Variants in TBC1D23 observed in about 807,000 individuals in gnomAD.
TBC1D23 encodes the protein TBC1 domain family member 23.
In TBC1D23, 55 loss-of-function variants were observed where a neutral mutation model predicts 91.4. That is an observed-to-expected ratio of 0.60 (90% CI 0.48 to 0.75). TBC1D23 has a LOEUF of 0.75. TBC1D23 is among the 30% of genes least tolerant of loss of function. The probability of loss-of-function intolerance (pLI) is 0.00; values close to 1 mark genes in which losing one functional copy is unlikely to be tolerated. For synonymous variants in TBC1D23, 289 were observed against 281.0 expected (o/e 1.03, Z -0.28); for missense variants, 725 against 836.1 (o/e 0.87, Z 1.64).
At chr3:100,296,367 A>T in intron 8 of TBC1D23, 92 bp downstream of exon 8, 1 of 742,538 alleles carries the variant, frequency 1.3e-6, no homozygotes, top group Non-Finnish European at 2.2e-6. Context: ...ATAGGTTGTC[A>T]ATTTTTTCTG....
intron 18 of TBC1D23, 42 bp from the exon 19 acceptor site, chr3:100,323,545 G>GTATA: frequency 2.2e-6 from 2 of 902,486 alleles, no homozygotes; most frequent in African/African-American, 1.8e-5. Flanking sequence ...ATATACATAT[G>GTATA]TATATATATA....
At chr3:100,305,430 AAATAAGATTTTAAAAGAGT>A (rs550291193) in intron 12 of TBC1D23, among the ~76,000 whole-genome samples, 54 of 152,286 alleles carry the variant, frequency 3.5e-4, no homozygotes, top group African/African-American at 1.2e-3. Flanking sequence ...ACTTTGCAGT[AAATAAGATTTTAAAAGAGT>A]AATAAGATTT....
intron 8 of TBC1D23, 94 bp from the exon 9 acceptor site, chr3:100,297,829 T>C: frequency 1.8e-6 from 2 of 1,087,266 alleles, no homozygotes; most frequent in Non-Finnish European, 2.6e-6. Context: ...AAGAGTATTA[T>C]AATTTTACCT....
intron 8 of TBC1D23, among the ~76,000 whole-genome samples, chr3:100,296,582 G>A (rs1190581820): frequency 2.6e-5 from 4 of 152,004 alleles, no homozygotes; most frequent in Non-Finnish European, 4.4e-5. Flanking sequence ...TTACAGGGCC[G>A]GGCGTGGTGG....
intron 18 of TBC1D23, 112 bp from the exon 19 acceptor site, chr3:100,323,475 T>A (rs1458793492): frequency 2.5e-6 from 1 of 398,312 alleles, no homozygotes; most frequent in Admixed American, 5.1e-5. Flanking sequence ...AGGGAAAGCT[T>A]CCCATTGGAG....
At chr3:100,270,362 G>A (rs1384630329) in intron 1 of TBC1D23, among the ~76,000 whole-genome samples, 1 of 152,186 alleles carries the variant, frequency 6.6e-6, no homozygotes, top group African/African-American at 2.4e-5. Context: ...ATGTAAAGGG[G>A]ACGAGAGCTG....
At chr3:100,306,000 T>C (rs1171252456) in intron 12 of TBC1D23, among the ~76,000 whole-genome samples, 1 of 152,224 alleles carries the variant, frequency 6.6e-6, no homozygotes, top group African/African-American at 2.4e-5. Context: ...ATAATCTCTC[T>C]TTCCGTAACT....
chr3:100,296,375 C>A, intron 8 of TBC1D23, 100 bp downstream of exon 8: 1 of 694,308 alleles, frequency 1.4e-6, no homozygotes, highest in Non-Finnish European at 2.3e-6. Flanking sequence ...TCAATTTTTT[C>A]TGTTTCTTTA....
intron 4 of TBC1D23, 146 bp downstream of exon 4, chr3:100,283,957 T>C (rs2067719186): frequency 1.8e-6 from 1 of 551,844 alleles, no homozygotes; most frequent in Admixed American, 3.3e-5. Context: ...GTTATTTTAT[T>C]TTTGTGGTTA....
At position 100,309,856 on chromosome 3, in the gene TBC1D23, GCC is replaced by G. The variant is rs1257704731; in HGVS notation, c.1414-546_1414-545del. Among the ~76,000 whole-genome samples, 1,031 of 152,080 alleles carry G rather than the reference GCC, an allele frequency of 6.8e-3. 15 individuals are homozygous for G. The highest frequency in any genetic ancestry group is 0.024 in the African/African-American group (991 of 41,492). ...GAACTCCTGACCTCATGATCCACCT[GCC>G]TCGGCCTCCCAAAGTACTGGGATTA... is the stretch of plus-strand genomic sequence containing the variant. On this transcript the variant is annotated intron_variant, in intron 13 of 18. Transcript: ENST00000394144.
chr3:100,261,889 T>C (rs188534567), intron 1 of TBC1D23, among the ~76,000 whole-genome samples: 864 of 152,352 alleles, frequency 5.7e-3, no homozygotes, highest in Non-Finnish European at 9.8e-3. Flanking sequence ...TTTAGAGGCT[T>C]GTCTAAATTT....
chr3:100,271,241 A>G (rs560825827), intron 1 of TBC1D23, among the ~76,000 whole-genome samples: 10 of 152,246 alleles, frequency 6.6e-5, no homozygotes, highest in African/African-American at 2.4e-4. Flanking sequence ...GAGGGAAGAG[A>G]TAGATTTAAG....
At position 100,311,861 on chromosome 3, in the gene TBC1D23, A is replaced by G. The variant is rs1230368050; in HGVS notation, c.1582A>G (p.Arg528Gly). 1.2e-5 allele frequency: 18 copies of G among 1,535,326 alleles called. No individual in the cohort carries two copies. Among genetic ancestry groups the G allele is most frequent in the Non-Finnish European group, 1.7e-6 (2 of 1,145,926 alleles). The change falls in exon 15 of 19, where the codon AGA (arginine) becomes GGA (glycine). Residue 528 changes from arginine to glycine, a missense_variant. Coordinates refer to ENST00000394144, the MANE Select transcript of TBC1D23 (RefSeq NM_001199198.3). ...RMSFNLPWPD[R>G]SCTERHVSSS... Reference sequence around the variant, plus strand: ...GTCTTTCAATCTTCCTTGGCCAGACAGATCATGTACAGAGCGGTAAGCCAA... The same window carrying G: ...GTCTTTCAATCTTCCTTGGCCAGACGGATCATGTACAGAGCGGTAAGCCAA...
intron 4 of TBC1D23, among the ~76,000 whole-genome samples, chr3:100,287,804 T>A (rs2067756901): frequency 6.6e-6 from 1 of 152,134 alleles, no homozygotes; most frequent in African/African-American, 2.4e-5. Context: ...TCTTTTTTGA[T>A]AACAAGATCT....
intron 1 of TBC1D23, chr3:100,261,285 G>A: frequency 1.7e-6 from 1 of 582,116 alleles, no homozygotes; most frequent in South Asian, 2.0e-5. Flanking sequence ...GGAGAGGGGT[G>A]TCATCCAGGT....
At chr3:100,298,184 A>G in intron 9 of TBC1D23, 139 bp downstream of exon 9, 2 of 657,996 alleles carry the variant, frequency 3.0e-6, no homozygotes, top group South Asian at 2.3e-5. Context: ...TGATTGTGTT[A>G]AATGTTATGT....
intron 5 of TBC1D23, among the ~76,000 whole-genome samples, chr3:100,290,908 A>C (rs1001952985): frequency 2.0e-5 from 3 of 152,160 alleles, no homozygotes; most frequent in Non-Finnish European, 4.4e-5. Context: ...TATGAAGTTC[A>C]CTTTTATTGT....
At chr3:100,298,067 T>G in intron 9 of TBC1D23, 22 bp downstream of exon 9, 1 of 1,609,016 alleles carries the variant, frequency 6.2e-7, no homozygotes, top group Non-Finnish European at 8.5e-7. Context: ...AAACCCAGTT[T>G]GTTAGGGGAC....
chr3:100,277,146 T>A (rs943042274), intron 1 of TBC1D23, among the ~76,000 whole-genome samples: 6 of 152,252 alleles, frequency 3.9e-5, no homozygotes, highest in Non-Finnish European at 8.8e-5. Flanking sequence ...AGCAGAAACT[T>A]GGTTTAGGGG....
Sources: allele counts gnomAD v4.1 joint callset (sites outside exome capture counted in the v4.1 genomes callset), GRCh38; gene constraint gnomAD v4.1.1; transcripts MANE v1.5; gene names NCBI Gene and HGNC (gene_info 2026-07-23, HGNC 2026-07-21).